The following SPTBN1 variants were observed in gnomAD, a reference collection of about 807,000 sequenced individuals.
SPTBN1 encodes spectrin beta chain, non-erythrocytic 1.
Under a neutral mutation model 266.4 loss-of-function variants are expected in SPTBN1, and 32 were observed. That is an observed-to-expected ratio of 0.12 (90% CI 0.09 to 0.16). The LOEUF (loss-of-function observed/expected upper bound fraction) is 0.16, where lower values mean the gene tolerates loss of function less well. Ranked by LOEUF, SPTBN1 falls within the 10% of genes least tolerant of loss-of-function variation. SPTBN1 has a pLI of 1.00. For synonymous variants in SPTBN1, 1,336 were observed against 1,162.2 expected, an observed-to-expected ratio of 1.15 and a Z score of -3.04; for missense variants, 2,296 against 3,067.1, an observed-to-expected ratio of 0.75 and a Z score of 5.94.
rs1573357735 is a variant in SPTBN1, at chr2:54,533,221, C to T, written c.148+6655C>T. ...GATGGCGCAAGATTTCATCACAGTG[C>T]TCAGGATGGCATGCAATTTAAAACG... is the stretch of plus-strand genomic sequence containing the variant. On this transcript the variant is annotated intron_variant, in intron 2 of 35. Transcript: ENST00000356805. This position sits in a 1 kb window ranked among gnomAD's most constrained non-coding sequence, Gnocchi z 4.2. Among the ~76,000 whole-genome samples, 1 of 152,170 alleles carries T rather than the reference C, an allele frequency of 6.6e-6. No individual in the cohort carries two copies. Among genetic ancestry groups the T allele is most frequent in the East Asian group, 1.9e-4 (1 of 5,190 alleles).
chr2:54,667,555 T>C (rs1681447468), intron 34 of SPTBN1, 49 bp from the exon 35 acceptor site: 1 of 1,582,674 alleles, frequency 6.3e-7, no homozygotes, highest in African/African-American at 1.3e-5. Flanking sequence ...GGGGGATTTT[T>C]ATTTCTCTGT....
intron 2 of SPTBN1, among the ~76,000 whole-genome samples, chr2:54,592,862 G>A (rs1675775865): frequency 6.6e-6 from 1 of 152,194 alleles, no homozygotes; most frequent in Admixed American, 6.5e-5. Flanking sequence ...CACCACTACT[G>A]GCTGGTGACA....
intron 26 of SPTBN1, among the ~76,000 whole-genome samples, chr2:54,651,265 C>T (rs1183749473): frequency 6.6e-6 from 1 of 152,176 alleles, no homozygotes; most frequent in East Asian, 1.9e-4. Context: ...AATCCCTTCA[C>T]CTCATTAGAC....
chr2:54,644,625 G>A (rs1396267664), intron 20 of SPTBN1, 39 bp downstream of exon 20: 1 of 1,572,140 alleles, frequency 6.4e-7, no homozygotes. Flanking sequence ...GTGTATTTCT[G>A]TTTTACAGCC....
At position 54,645,496 on chromosome 2, in the gene SPTBN1, C is replaced by G. The variant is rs780129634; in HGVS notation, c.4494+43C>G. On this transcript the variant is annotated intron_variant, in intron 21 of 35. Transcript: ENST00000356805. The surrounding 1 kb of genome is among the most constrained non-coding windows in gnomAD (Gnocchi z 4.3). Reference sequence around the variant, plus strand: ...GCACACATGGCTTTTCCACGAGCCCCCTTGCCTGTGCTAAAGCCCACATTC... The same window carrying G: ...GCACACATGGCTTTTCCACGAGCCCGCTTGCCTGTGCTAAAGCCCACATTC... The G allele has an allele frequency of 6.3e-6, 10 of 1,594,076 alleles. No individual in the cohort carries two copies. Among genetic ancestry groups the G allele is most frequent in the South Asian group, 2.2e-5 (2 of 89,364 alleles).
At chr2:54,600,448 C>T (rs1271877870) in intron 3 of SPTBN1, among the ~76,000 whole-genome samples, 1 of 151,450 alleles carries the variant, frequency 6.6e-6, no homozygotes, top group Non-Finnish European at 1.5e-5. Context: ...AGACAAATAA[C>T]GGAGACCCCT....
intron 35 of SPTBN1, among the ~76,000 whole-genome samples, chr2:54,668,088 C>G (rs1454188702): frequency 6.6e-6 from 1 of 152,210 alleles, no homozygotes; most frequent in African/African-American, 2.4e-5. Flanking sequence ...ATCTGACCAC[C>G]TCACAGATTG....
At chr2:54,577,657 C>A (rs929041009) in intron 2 of SPTBN1, among the ~76,000 whole-genome samples, 3 of 152,112 alleles carry the variant, frequency 2.0e-5, no homozygotes, top group African/African-American at 7.2e-5. Flanking sequence ...TGTGTTATTT[C>A]CATTTTGAAG....
At chr2:54,560,543 A>G (rs1673228374) in intron 2 of SPTBN1, among the ~76,000 whole-genome samples, 1 of 152,166 alleles carries the variant, frequency 6.6e-6, no homozygotes, top group South Asian at 2.1e-4. Flanking sequence ...TCTCTGGACA[A>G]CGTAAAGTTT....
At chr2:54,472,573 A>G (rs1693983647) in intron 1 of SPTBN1, among the ~76,000 whole-genome samples, 2 of 152,010 alleles carry the variant, frequency 1.3e-5, no homozygotes, top group South Asian at 2.1e-4. Context: ...ATTTTTTTCA[A>G]TAGAAAGGCT....
At chr2:54,502,666 A>G (rs1657731108) in intron 1 of SPTBN1, among the ~76,000 whole-genome samples, 1 of 152,184 alleles carries the variant, frequency 6.6e-6, no homozygotes, top group South Asian at 2.1e-4. Flanking sequence ...GTGCAAAACC[A>G]AGGGCAAACT....
chr2:54,618,917 G>T (rs1170820772), intron 7 of SPTBN1, among the ~76,000 whole-genome samples: 1 of 152,198 alleles, frequency 6.6e-6, no homozygotes, highest in East Asian at 1.9e-4. Flanking sequence ...CCTGTTTGGA[G>T]CAGTTCCCCA....
Position 54,630,984 on chromosome 2 carries a change from G to C in SPTBN1, c.2937G>C (p.Glu979Asp). 1 of 1,614,184 alleles carries C rather than the reference G, an allele frequency of 6.2e-7. No individual in the cohort carries two copies. The highest frequency in any genetic ancestry group is 8.5e-7 in the Non-Finnish European group (1 of 1,180,048). Residue 979 changes from glutamate (E) to aspartate (D), a missense_variant, in exon 16 of 36, where the codon GAG (glutamate) becomes GAC (aspartate). Glu to Asp is a conservative substitution (Grantham distance 45, BLOSUM62 2). Coordinates refer to ENST00000356805, the MANE Select transcript of SPTBN1 (RefSeq NM_003128.3). ...SWIREKTKVIESTQDLGNDLA... is the reference protein window; with the variant it reads ...SWIREKTKVIDSTQDLGNDLA... ...TTCGGGAAAAGACCAAGGTCATCGA[G>C]TCCACCCAGGACCTGGGCAATGACC...
chr2:54,537,147 G>C (rs749010911), intron 2 of SPTBN1, among the ~76,000 whole-genome samples: 1 of 152,176 alleles, frequency 6.6e-6, no homozygotes, highest in African/African-American at 2.4e-5. Context: ...TTATATTTCC[G>C]ATGGGCCATG....
At chr2:54,478,893 A>AGT (rs1275581245) in intron 1 of SPTBN1, among the ~76,000 whole-genome samples, 1 of 148,578 alleles carries the variant, frequency 6.7e-6, no homozygotes, top group Non-Finnish European at 1.5e-5. Flanking sequence ...CGTATATGTG[A>AGT]GTGTGTGTGT....
intron 2 of SPTBN1, among the ~76,000 whole-genome samples, chr2:54,531,288 A>G (rs1019174739): frequency 6.6e-6 from 1 of 152,118 alleles, no homozygotes; most frequent in Non-Finnish European, 1.5e-5. Context: ...ATCCTATGGG[A>G]TTTAACAATA....
chr2:54,642,954 ATC>A lies in SPTBN1; in HGVS notation c.3859-25_3859-24del, dbSNP rs1572738484. The A allele has an allele frequency of 1.9e-6, 3 of 1,598,596 alleles. No individual in the cohort carries two copies. The East Asian group carries it at 6.7e-5, about 36-fold the overall frequency. On this transcript the variant is annotated intron_variant, in intron 18 of 35. Coordinates refer to ENST00000356805, the MANE Select transcript of SPTBN1 (RefSeq NM_003128.3). Reference sequence around the variant, plus strand: ...AAAAAGGCTGATGTCTAGGATCACAATCTCTGAATCCTTCTGATCTTTCTGTA... The same window carrying A: ...AAAAAGGCTGATGTCTAGGATCACAATCTGAATCCTTCTGATCTTTCTGTA...
At chr2:54,634,955 C>G (rs1216927886) in intron 17 of SPTBN1, among the ~76,000 whole-genome samples, 2 of 152,178 alleles carry the variant, frequency 1.3e-5, no homozygotes, top group African/African-American at 2.4e-5. Flanking sequence ...AGCCACAGCA[C>G]AGTTCATGGG....
rs778764930 is a variant in SPTBN1 at position 54,649,870 on chromosome 2, C to T, written c.5458C>T (p.Arg1820Cys). 4 of 1,614,116 alleles carry T rather than the reference C, an allele frequency of 2.5e-6. No homozygotes were observed. The highest frequency in any genetic ancestry group is 2.2e-5 in the East Asian group (1 of 44,884). Residue 1820 changes from arginine to cysteine, a missense_variant, in exon 26 of 36, where the codon CGT becomes TGT. Coordinates refer to ENST00000356805, the MANE Select transcript of SPTBN1 (RefSeq NM_003128.3). This position sits in a 1 kb window ranked among gnomAD's most constrained non-coding sequence, Gnocchi z 6.7. ...FYHDAKEIFG[R>C]IQDKHKKLPE... ...CCACGATGCCAAGGAGATCTTTGGG[C>T]GTATACAGGACAAACACAAGAAACT...
Sources: gnomAD v4.1 joint callset for allele counts (sites outside exome capture counted in the v4.1 genomes callset) on GRCh38, gnomAD v4.1.1 for gene constraint, Gnocchi (gnomAD v3.1) non-coding constraint, MANE v1.5 for transcripts, NCBI Gene and HGNC (gene_info 2026-07-23, HGNC 2026-07-21) for gene names.